ACP6: variants seen among roughly 807,000 people sequenced by gnomAD.
ACP6 encodes acid phosphatase 6, lysophosphatidic, also known as lysophosphatidic acid phosphatase type 6.
A neutral mutation model predicts 48.1 loss-of-function variants in ACP6; 48 were observed. That is an observed-to-expected ratio of 1.00 (90% CI 0.79 to 1.27). The LOEUF (loss-of-function observed/expected upper bound fraction) is 1.27, where lower values mean the gene tolerates loss of function less well. ACP6 is among the 50% of genes most tolerant of loss of function. ACP6 has a pLI of 0.00. For missense variants in ACP6, 485 were observed against 529.1 expected (o/e 0.92, Z 0.82); for synonymous variants, 172 against 204.2 (o/e 0.84, Z 1.34).
chr1:147,656,803 A>G (rs1376888685), intron 4 of ACP6, among the ~76,000 whole-genome samples: 4 of 152,270 alleles, frequency 2.6e-5, no homozygotes, highest in African/African-American at 9.6e-5. Context: ...TTCTACATCT[A>G]TGGATTCAAT....
chr1:147,655,045 T>A, intron 5 of ACP6, 116 bp downstream of exon 5: 2 of 765,624 alleles, frequency 2.6e-6, no homozygotes, highest in Non-Finnish European at 4.3e-6. Context: ...AACCTTCCCA[T>A]CCATTATTCG....
At chr1:147,632,342 T>C (rs1659192315) in intron 5 of ACP6, among the ~76,000 whole-genome samples, 1 of 152,176 alleles carries the variant, frequency 6.6e-6, no homozygotes, top group Non-Finnish European at 1.5e-5. Flanking sequence ...CACCAGCATC[T>C]GGCATAGTGT....
chr1:147,669,712 G>A, intron 1 of ACP6, 118 bp downstream of exon 1: 1 of 1,104,912 alleles, frequency 9.1e-7, no homozygotes. Context: ...CCTTCTTCTG[G>A]ACCCAACCCG....
intron 6 of ACP6, chr1:147,652,756 A>AAAAC: frequency 5.8e-6 from 5 of 867,520 alleles, no homozygotes; most frequent in Non-Finnish European, 8.7e-6. Flanking sequence ...AGGCCAGGAA[A>AAAAC]AAAAAAAAAG....
chr1:147,648,544 T>C, intron 8 of ACP6, 133 bp from the exon 9 acceptor site: 1 of 1,044,864 alleles, frequency 9.6e-7, no homozygotes, highest in Non-Finnish European at 1.4e-6. Context: ...GAGCCTGGTA[T>C]AAAAGTCCTT....
At chr1:147,655,688 A>G (rs1660218994) in intron 4 of ACP6, among the ~76,000 whole-genome samples, 1 of 152,214 alleles carries the variant, frequency 6.6e-6, no homozygotes, top group Admixed American at 6.5e-5. Flanking sequence ...TTATCACATA[A>G]CAAACTGAGA....
intron 5 of ACP6, 41 bp from the exon 6 acceptor site, chr1:147,654,367 A>T: frequency 4.4e-6 from 7 of 1,604,506 alleles, no homozygotes; most frequent in Non-Finnish European, 6.0e-6. Flanking sequence ...TTCTATAGTG[A>T]TTAACAGTTT....
intron 8 of ACP6, chr1:147,649,681 A>G (rs1358030951): frequency 6.1e-6 from 1 of 164,018 alleles, no homozygotes; most frequent in African/African-American, 2.4e-5. Context: ...TGACCTCGTG[A>G]TCCACTCACC....
At chr1:147,667,199 C>A (rs1660838803) in intron 1 of ACP6, among the ~76,000 whole-genome samples, 1 of 134,356 alleles carries the variant, frequency 7.4e-6, no homozygotes, top group Non-Finnish European at 1.6e-5. Flanking sequence ...CATAAGAAAA[C>A]AACCCAATAA....
rs1344 is a variant in ACP6 at position 147,647,471 on chromosome 1, G to A, written c.1239C>T (p.His413=). The change falls in exon 10 of 10, where the codon CAC becomes CAT. Residue 413 remains histidine, a synonymous_variant. Coordinates refer to ENST00000583509, the MANE Select transcript of ACP6 (RefSeq NM_016361.5). ...SVYTLSPEKY[H]ALCSQTQVME... ...TCACCTGAGTTTGAGAGCAGAGTGC[G>A]TGGTATTTTTCTGGGCTTAAGGTAT... The A allele has an allele frequency of 0.55, 895,334 of 1,613,580 alleles. 251,247 individuals are homozygous for A. The highest frequency in any genetic ancestry group is 0.63 in the Admixed American group (37,657 of 60,006).
chr1:147,632,638 T>A (rs1356359538), intron 5 of ACP6, among the ~76,000 whole-genome samples: 2 of 151,754 alleles, frequency 1.3e-5, no homozygotes, highest in East Asian at 1.9e-4. Context: ...GAGGGAAGAA[T>A]GAATAGCCCC....
chr1:147,668,269 G>A (rs1335613015), intron 1 of ACP6, among the ~76,000 whole-genome samples: 3 of 152,132 alleles, frequency 2.0e-5, no homozygotes, highest in Admixed American at 6.5e-5. Flanking sequence ...CTATTTTGTG[G>A]CTACACAGAT....
chr1:147,634,721 C>T (rs1659254522), intron 5 of ACP6, among the ~76,000 whole-genome samples: 1 of 152,186 alleles, frequency 6.6e-6, no homozygotes, highest in Non-Finnish European at 1.5e-5. Flanking sequence ...TTGATTGATT[C>T]ATCAGTCTCT....
chr1:147,656,553 T>C (rs1660268163), intron 4 of ACP6, among the ~76,000 whole-genome samples: 1 of 152,150 alleles, frequency 6.6e-6, no homozygotes, highest in South Asian at 2.1e-4. Context: ...CAGTTGAGCA[T>C]AAAAGGAAAA....
chr1:147,644,087 C>T lies in ACP6; in HGVS notation c.*3336G>A, dbSNP rs918215716. The T allele has an allele frequency of 5.3e-5, 8 of 151,780 alleles. No individual in the cohort carries two copies. The highest frequency in any genetic ancestry group is 8.8e-5 in the Non-Finnish European group (6 of 67,946). 9.4% of individuals were successfully genotyped at this position (151,780 alleles called of 1,614,324 possible). On this transcript the variant is annotated 3_prime_UTR_variant, in exon 10 of 10. Coordinates refer to ENST00000583509, the MANE Select transcript of ACP6 (RefSeq NM_016361.5). ...CATTGTACTGGGCACTAAGTGTCAACATCAAATTTAGAGAAGACAAAAGCA... is the reference window on the plus strand; with the variant it reads ...CATTGTACTGGGCACTAAGTGTCAATATCAAATTTAGAGAAGACAAAAGCA...
chr1:147,631,992 C>A (rs908042329), intron 5 of ACP6, among the ~76,000 whole-genome samples: 1 of 152,078 alleles, frequency 6.6e-6, no homozygotes, highest in Admixed American at 6.6e-5. Flanking sequence ...GTGCTCCAGC[C>A]GAACCATGCT....
At chr1:147,638,634 C>T (rs908645121), downstream of ACP6, among the ~76,000 whole-genome samples, 25 of 152,114 alleles carry the variant, frequency 1.6e-4, no homozygotes, top group Non-Finnish European at 2.6e-4. Flanking sequence ...TCCATGAGGC[C>T]TTGTATACCA....
chr1:147,650,201 T>A lies in ACP6; in HGVS notation c.919A>T (p.Ile307Phe). Reference sequence around the variant, plus strand: ...GCTTTCAGCAGGTTGCTCTCTAGGATGTGGAGGAATGGGCCTACTGCCATC... The same window carrying A: ...GCTTTCAGCAGGTTGCTCTCTAGGAAGTGGAGGAATGGGCCTACTGCCATC... ...LQMAVGPFLH[I>F]LESNLLKAMD... The change falls in exon 8 of 10, where the codon ATC becomes TTC. Residue 307 changes from isoleucine (I) to phenylalanine (F), a missense_variant. Physicochemically the swap from Ile to Phe is conservative, Grantham distance 21. Transcript: ENST00000583509. 4.4e-6 allele frequency: 7 copies of A among 1,605,718 alleles called. No homozygotes were observed. Among genetic ancestry groups the A allele is most frequent in the Non-Finnish European group, 5.9e-6 (7 of 1,176,710 alleles).
At chr1:147,641,512 T>C (rs1407037395), downstream of ACP6, among the ~76,000 whole-genome samples, 5 of 152,198 alleles carry the variant, frequency 3.3e-5, no homozygotes, top group Non-Finnish European at 7.3e-5. Context: ...CGGCCTTCCC[T>C]GGCAAGCCTG....
Sources: gnomAD v4.1 joint callset for allele counts (sites outside exome capture counted in the v4.1 genomes callset) on GRCh38, gnomAD v4.1.1 for gene constraint, MANE v1.5 for transcripts, NCBI Gene and HGNC (gene_info 2026-07-23, HGNC 2026-07-21) for gene names.